The following TMPRSS11D variants were observed in gnomAD, a reference collection of about 807,000 sequenced individuals.
The protein encoded by TMPRSS11D is transmembrane serine protease 11D, also known as transmembrane protease serine 11D.
TMPRSS11D carries 32 observed loss-of-function variants against 44.4 expected under a neutral mutation model. The observed-to-expected ratio is 0.72, with a 90% CI of 0.54 to 0.97. The LOEUF is 0.97. Among genes scored for constraint, TMPRSS11D ranks in the 50% least tolerant of loss-of-function variants. The pLI is 0.00. For missense variants in TMPRSS11D, 446 were observed against 502.6 expected (o/e 0.89, Z 1.08); for synonymous variants, 179 against 177.9 (o/e 1.01, Z -0.05).
chr4:67,824,908 T>C (rs1717754729), intron 9 of TMPRSS11D, among the ~76,000 whole-genome samples: 2 of 152,092 alleles, frequency 1.3e-5, no homozygotes, highest in South Asian at 4.1e-4. Context: ...ATTTCAGATA[T>C]GTGAACAAAA....
At chr4:67,846,361 AAC>A (rs1325148883) in intron 3 of TMPRSS11D, among the ~76,000 whole-genome samples, 2 of 152,128 alleles carry the variant, frequency 1.3e-5, no homozygotes, top group Non-Finnish European at 2.9e-5. Context: ...TTATAAAATA[AAC>A]ACAGGTTTTT....
At position 67,827,248 on chromosome 4, in the gene TMPRSS11D, C is replaced by G. The variant is rs781499334; in HGVS notation, c.952+13G>C. Reference sequence around the variant, plus strand: ...ACATTTCTATTGTTAATTTTTTTTTCCGAGACACTTACCAGCATATTCTTG... The same window carrying G: ...ACATTTCTATTGTTAATTTTTTTTTGCGAGACACTTACCAGCATATTCTTG... On this transcript the variant is annotated intron_variant, in intron 8 of 9. Transcript: ENST00000283916. The G allele has an allele frequency of 9.6e-6, 15 of 1,564,096 alleles. No individual in the cohort carries two copies. Among genetic ancestry groups the G allele is most frequent in the Admixed American group, 6.4e-5 (3 of 47,212 alleles).
At chr4:67,867,904 T>C (rs187697512) in intron 1 of TMPRSS11D, among the ~76,000 whole-genome samples, 5 of 152,094 alleles carry the variant, frequency 3.3e-5, no homozygotes, top group Non-Finnish European at 7.4e-5. Context: ...TGAAAAACAA[T>C]GTGGAGACTT....
chr4:67,830,584 G>GA lies in TMPRSS11D; in HGVS notation c.692+2619dup, dbSNP rs952313643. Reference sequence around the variant, plus strand: ...GTGAACCTGAGTTAAAAATTTTGAAGAAAAAATATTAGAAAACAAACAAAC... The same window carrying GA: ...GTGAACCTGAGTTAAAAATTTTGAAGAAAAAAATATTAGAAAACAAACAAAC... On this transcript the variant is annotated intron_variant, in intron 7 of 9. Coordinates refer to ENST00000283916, the MANE Select transcript of TMPRSS11D (RefSeq NM_004262.3). Among the ~76,000 whole-genome samples the GA allele has an allele frequency of 3.9e-4, 59 of 152,092 alleles. 1 individual carries two copies. Among genetic ancestry groups the GA allele is most frequent in the African/African-American group, 1.3e-3 (56 of 41,554 alleles).
chr4:67,838,455 T>C (rs1718154904), intron 4 of TMPRSS11D, 126 bp from the exon 5 acceptor site: 1 of 872,762 alleles, frequency 1.1e-6, no homozygotes, highest in Non-Finnish European at 1.6e-6. Flanking sequence ...TAGACAGATC[T>C]CTGTAACAGT....
intron 1 of TMPRSS11D, among the ~76,000 whole-genome samples, chr4:67,876,485 G>A (rs867329464): frequency 6.6e-6 from 1 of 151,712 alleles, no homozygotes; most frequent in East Asian, 1.9e-4. Flanking sequence ...ACATATTCAA[G>A]GTGTACGACA....
In TMPRSS11D at chr4:67,825,805, T is replaced by C. The variant is rs966070124; in HGVS notation, c.1022A>G (p.His341Arg). ...IISNDVCNAPHSYNGAILSGM... is the reference protein window; with the variant it reads ...IISNDVCNAPRSYNGAILSGM... ...AGACAAGATGGCTCCATTATAACTA[T>C]GTGGTGCATTACATACATCATTACT... Residue 341 changes from histidine (H) to arginine (R), a missense_variant, in exon 9 of 10, where the codon CAT (histidine) becomes CGT (arginine). His to Arg is a conservative substitution (Grantham distance 29). Transcript: ENST00000283916. 3.7e-6 allele frequency: 6 copies of C among 1,613,258 alleles called. No individual in the cohort carries two copies. Among genetic ancestry groups the C allele is most frequent in the Non-Finnish European group, 3.4e-6 (4 of 1,179,486 alleles).
intron 8 of TMPRSS11D, 134 bp downstream of exon 8, chr4:67,827,127 C>A: frequency 3.3e-6 from 4 of 1,195,568 alleles, no homozygotes; most frequent in Non-Finnish European, 3.4e-6. Flanking sequence ...AGAGCTTGGG[C>A]TGAGCAGAAT....
intron 1 of TMPRSS11D, among the ~76,000 whole-genome samples, chr4:67,859,927 C>T (rs1439191209): frequency 6.6e-6 from 1 of 151,976 alleles, no homozygotes; most frequent in Non-Finnish European, 1.5e-5. Context: ...GGAAATCTGA[C>T]TTATGGTTTG....
chr4:67,860,095 A>AT (rs923518037), intron 1 of TMPRSS11D, among the ~76,000 whole-genome samples: 4 of 152,090 alleles, frequency 2.6e-5, no homozygotes, highest in African/African-American at 9.7e-5. Context: ...AAGAGAGATC[A>AT]TTTGGGTGGG....
chr4:67,850,993 GC>G (rs1334216193), intron 3 of TMPRSS11D, among the ~76,000 whole-genome samples: 1 of 152,178 alleles, frequency 6.6e-6, no homozygotes, highest in Non-Finnish European at 1.5e-5. Flanking sequence ...CGAGTGACTT[GC>G]CTGGAAGTGG....
intron 5 of TMPRSS11D, 33 bp from the exon 6 acceptor site, chr4:67,835,154 A>C: frequency 6.4e-7 from 1 of 1,570,940 alleles, no homozygotes; most frequent in Non-Finnish European, 8.8e-7. Context: ...AGATAAATAC[A>C]ATAAAGGCTG....
At chr4:67,864,843 T>C (rs1371159144) in intron 1 of TMPRSS11D, among the ~76,000 whole-genome samples, 1 of 151,868 alleles carries the variant, frequency 6.6e-6, no homozygotes, top group Non-Finnish European at 1.5e-5. Flanking sequence ...AATGTATACA[T>C]ATCCAACACT....
chr4:67,881,045 A>G (rs1476783743), intron 1 of TMPRSS11D, among the ~76,000 whole-genome samples: 1 of 152,174 alleles, frequency 6.6e-6, no homozygotes, highest in Non-Finnish European at 1.5e-5. Context: ...ATGAGCATAT[A>G]CTAAAGCTAG....
chr4:67,865,002 G>C (rs1718885381), intron 1 of TMPRSS11D, among the ~76,000 whole-genome samples: 1 of 151,614 alleles, frequency 6.6e-6, no homozygotes, highest in African/African-American at 2.4e-5. Flanking sequence ...ACTTAAATTG[G>C]ACTTAGACCA....
intron 1 of TMPRSS11D, among the ~76,000 whole-genome samples, chr4:67,882,390 G>A (rs1294978035): frequency 1.3e-5 from 2 of 152,112 alleles, no homozygotes; most frequent in African/African-American, 4.8e-5. Context: ...TCCAAAAAGT[G>A]TGATCCTTAG....
At chr4:67,865,019 C>T (rs1718885838) in intron 1 of TMPRSS11D, among the ~76,000 whole-genome samples, 1 of 151,580 alleles carries the variant, frequency 6.6e-6, no homozygotes, top group Admixed American at 6.6e-5. Flanking sequence ...ACCAAATGGA[C>T]CTAATAGACA....
chr4:67,838,472 A>G, intron 4 of TMPRSS11D, 143 bp from the exon 5 acceptor site: 1 of 694,410 alleles, frequency 1.4e-6, no homozygotes, highest in South Asian at 2.8e-5. Flanking sequence ...CAGTGTTTGC[A>G]TACGTAATAC....
At chr4:67,873,993 C>T (rs529500064) in intron 1 of TMPRSS11D, among the ~76,000 whole-genome samples, 52 of 152,282 alleles carry the variant, frequency 3.4e-4, no homozygotes, top group African/African-American at 1.2e-3. Flanking sequence ...TTGTCAATCA[C>T]AGATCGCATG....
Sources: gnomAD v4.1 joint callset for allele counts (sites outside exome capture counted in the v4.1 genomes callset) on GRCh38, gnomAD v4.1.1 for gene constraint, MANE v1.5 for transcripts, NCBI Gene and HGNC (gene_info 2026-07-23, HGNC 2026-07-21) for gene names.